NFU1: variants seen among roughly 807,000 people sequenced by gnomAD.
NFU1 encodes NFU1 iron-sulfur cluster scaffold.
NFU1 carries 30 observed loss-of-function variants against 32.2 expected under a neutral mutation model. The ratio of observed to expected loss-of-function variants is 0.93; its 90% CI spans 0.70 to 1.26. The LOEUF is 1.26. NFU1 is among the 50% of genes most tolerant of loss of function. NFU1 has a pLI of 0.00. For synonymous variants in NFU1, 112 were observed against 104.6 expected, an observed-to-expected ratio of 1.07 and a Z score of -0.43; for missense variants, 306 against 306.6, an observed-to-expected ratio of 1.00 and a Z score of 0.02.
rs555474630 is a variant in NFU1 at position 69,407,985 on chromosome 2, C to G, written c.485-1903G>C. On this transcript the variant is annotated intron_variant, in intron 5 of 7. Transcript: ENST00000410022. ...CCGAGATCGCACCACCGCACTCCAG[C>G]CTGGGCAACAGAGTGAGACCCCACC... Among the ~76,000 whole-genome samples the G allele has an allele frequency of 2.0e-5, 3 of 149,570 alleles. No homozygotes were observed. The East Asian group carries it at 5.9e-4, about 29-fold the overall frequency.
At chr2:69,439,251 C>T (rs1326148914), upstream of NFU1, among the ~76,000 whole-genome samples, 1 of 152,184 alleles carries the variant, frequency 6.6e-6, no homozygotes, top group African/African-American at 2.4e-5. Context: ...CTCTGTGCTA[C>T]TGTGTCCGGA....
intron 1 of NFU1, 50 bp downstream of exon 1, chr2:69,437,311 T>C (rs1673878012): frequency 1.9e-6 from 3 of 1,576,884 alleles, no homozygotes; most frequent in Non-Finnish European, 2.6e-6. Flanking sequence ...ACCGCTCCGC[T>C]GGCTAAGCCC....
chr2:69,413,057 G>T lies in NFU1; in HGVS notation c.484+2128C>A, dbSNP rs566974839. On this transcript the variant is annotated intron_variant, in intron 5 of 7. Coordinates refer to ENST00000410022, the MANE Select transcript of NFU1 (RefSeq NM_001002755.4). Reference sequence around the variant, plus strand: ...TGCCTGTAATCCCAGCACTTTGGGAGGCTGAGGCAGATGGATCAGGAGTTC... The same window carrying T: ...TGCCTGTAATCCCAGCACTTTGGGATGCTGAGGCAGATGGATCAGGAGTTC... Among the ~76,000 whole-genome samples, 13 of 151,706 alleles carry T rather than the reference G, an allele frequency of 8.6e-5. No homozygotes were observed. The South Asian group carries it at 2.7e-3, about 32-fold the overall frequency.
rs544322432 is a variant in NFU1 at position 69,417,869 on chromosome 2, A to C, written c.369+1669T>G. On this transcript the variant is annotated intron_variant, in intron 4 of 7. Coordinates refer to ENST00000410022, the MANE Select transcript of NFU1 (RefSeq NM_001002755.4). ...CAAGAAAAATAGGAAAAAAAAAAAAACCAAAACCCTTTAAGATATAATCAC... is the reference window on the plus strand; with the variant it reads ...CAAGAAAAATAGGAAAAAAAAAAAACCCAAAACCCTTTAAGATATAATCAC... Among the ~76,000 whole-genome samples the C allele has an allele frequency of 6.6e-5, 10 of 151,902 alleles. No individual in the cohort carries two copies. In the South Asian group the frequency reaches 8.3e-4, roughly 13 times the overall value.
At chr2:69,425,490 G>T (rs1182798145) in intron 2 of NFU1, among the ~76,000 whole-genome samples, 1 of 151,664 alleles carries the variant, frequency 6.6e-6, no homozygotes, top group African/African-American at 2.4e-5. Flanking sequence ...GAGTAGCTGG[G>T]ATTATAGGCA....
At chr2:69,413,702 T>A (rs1189129340) in intron 5 of NFU1, among the ~76,000 whole-genome samples, 1 of 152,102 alleles carries the variant, frequency 6.6e-6, no homozygotes, top group African/African-American at 2.4e-5. Context: ...GAGGCTGCAG[T>A]GAACTGAGAT....
chr2:69,418,552 C>T (rs892891056), intron 4 of NFU1, among the ~76,000 whole-genome samples: 1 of 152,094 alleles, frequency 6.6e-6, no homozygotes, highest in Admixed American at 6.6e-5. Context: ...CTGCAAGCTC[C>T]GCCTCCCGGG....
intron 1 of NFU1, among the ~76,000 whole-genome samples, chr2:69,433,591 T>G (rs899757698): frequency 6.6e-6 from 1 of 151,908 alleles, no homozygotes; most frequent in African/African-American, 2.4e-5. Context: ...TTCTCTTGCC[T>G]CAGCCTCCCT....
At chr2:69,426,252 G>A (rs780825156) in intron 2 of NFU1, among the ~76,000 whole-genome samples, 6 of 151,908 alleles carry the variant, frequency 3.9e-5, no homozygotes, top group Admixed American at 2.0e-4. Context: ...GATTAAAGGC[G>A]TGAGCCACTG....
chr2:69,408,922 C>T (rs1361735422), intron 5 of NFU1, among the ~76,000 whole-genome samples: 13 of 134,600 alleles, frequency 9.7e-5, no homozygotes, highest in Admixed American at 9.6e-4. Flanking sequence ...TCACTGCAAC[C>T]TCCATCTCTT....
intron 6 of NFU1, among the ~76,000 whole-genome samples, chr2:69,401,139 C>T (rs1383961453): frequency 6.6e-6 from 1 of 152,120 alleles, no homozygotes; most frequent in Non-Finnish European, 1.5e-5. Flanking sequence ...CAGAAAAATG[C>T]TTAAATCATG....
chr2:69,415,096 C>T (rs933374572), intron 5 of NFU1, 89 bp downstream of exon 5: 2 of 734,162 alleles, frequency 2.7e-6, no homozygotes, highest in African/African-American at 3.5e-5. Context: ...AATCTAGATT[C>T]CTATGACTTC....
intron 1 of NFU1, among the ~76,000 whole-genome samples, chr2:69,435,162 T>C (rs1673788220): frequency 6.6e-6 from 1 of 152,188 alleles, no homozygotes; most frequent in Non-Finnish European, 1.5e-5. Context: ...ATTAGCTTTA[T>C]AAAGGTGGTT....
intron 2 of NFU1, among the ~76,000 whole-genome samples, chr2:69,427,094 TG>T (rs1384427211): frequency 7.1e-6 from 1 of 139,882 alleles, no homozygotes; most frequent in Non-Finnish European, 1.5e-5. Context: ...GAAAAGAAAA[TG>T]AATTTTCTGG....
At chr2:69,401,909 T>C (rs1383060072) in intron 6 of NFU1, among the ~76,000 whole-genome samples, 1 of 152,076 alleles carries the variant, frequency 6.6e-6, no homozygotes, top group Admixed American at 6.6e-5. Context: ...TTTTTTTTTT[T>C]TGGAGACAGA....
chr2:69,414,740 G>A (rs1385510140), intron 5 of NFU1, among the ~76,000 whole-genome samples: 1 of 151,812 alleles, frequency 6.6e-6, no homozygotes, highest in African/African-American at 2.4e-5. Flanking sequence ...ACACATCTCT[G>A]GAACTAGGAA....
chr2:69,427,084 G>C (rs1673483437), intron 2 of NFU1, among the ~76,000 whole-genome samples: 1 of 118,558 alleles, frequency 8.4e-6, no homozygotes, highest in African/African-American at 3.5e-5. Context: ...AAGAAAGAAA[G>C]AAAAGAAAAT....
chr2:69,411,739 C>T (rs1195253571), intron 5 of NFU1, among the ~76,000 whole-genome samples: 1 of 151,926 alleles, frequency 6.6e-6, no homozygotes, highest in African/African-American at 2.4e-5. Context: ...ACTACATGCA[C>T]GCATCACCAT....
Position 69,431,980 on chromosome 2 carries a change from A to G in NFU1, c.88T>C (p.Tyr30His). 1 of 1,612,964 alleles carries G rather than the reference A, an allele frequency of 6.2e-7. No homozygotes were observed. Among genetic ancestry groups the G allele is most frequent in the Non-Finnish European group, 8.5e-7 (1 of 1,178,978 alleles). Residue 30 changes from tyrosine (Y) to histidine (H), a missense_variant, in exon 2 of 8, where the codon TAC becomes CAC. Physicochemically the swap from Tyr to His is moderately conservative, Grantham distance 83. Coordinates refer to ENST00000410022, the MANE Select transcript of NFU1 (RefSeq NM_001002755.4). ...RRFCHMLKNPYTIKKQPLHQF... is the reference protein window; with the variant it reads ...RRFCHMLKNPHTIKKQPLHQF... ...TGCAGAGGCTGTTTCTTAATGGTGT[A>G]TGGATTCTTCAACATATGACAGAAC...
Sources: gnomAD v4.1 joint callset for allele counts (sites outside exome capture counted in the v4.1 genomes callset) on GRCh38, gnomAD v4.1.1 for gene constraint, MANE v1.5 for transcripts, NCBI Gene and HGNC (gene_info 2026-07-23, HGNC 2026-07-21) for gene names.